VPS33B: variants seen among roughly 807,000 people sequenced by gnomAD.
VPS33B encodes the protein vacuolar protein sorting-associated protein 33B.
Under a neutral mutation model 95.3 loss-of-function variants are expected in VPS33B, and 80 were observed. The ratio of observed to expected loss-of-function variants is 0.84; its 90% CI spans 0.70 to 1.01. VPS33B has a LOEUF of 1.01. VPS33B is among the 50% of genes least tolerant of loss of function. VPS33B has a pLI of 0.00. For missense variants in VPS33B, 715 were observed against 773.4 expected (o/e 0.92, Z 0.90); for synonymous variants, 280 against 280.4 (o/e 1.00, Z 0.01).
At chr15:91,019,965 C>G (rs1286260047) in intron 1 of VPS33B, among the ~76,000 whole-genome samples, 1 of 152,030 alleles carries the variant, frequency 6.6e-6, no homozygotes, top group Non-Finnish European at 1.5e-5. Context: ...GCCACTATGC[C>G]CAGCTAATTT....
rs2151677098 is a variant in VPS33B at position 91,011,901 on chromosome 15, A to C, written c.357+1903T>G. Among the ~76,000 whole-genome samples the C allele has an allele frequency of 6.6e-6, 1 of 152,220 alleles. No homozygotes were observed. The highest frequency in any genetic ancestry group is 1.5e-5 in the Non-Finnish European group (1 of 68,008). On this transcript the variant is annotated intron_variant, in intron 5 of 22. Transcript: ENST00000333371. The surrounding 1 kb of genome is among the most constrained non-coding windows in gnomAD (Gnocchi z 5.5). The stretch of plus-strand genomic sequence containing the variant: ...CTACTCGGGAAGCTGAGGCAGGAGA[A>C]TTGCTTGAACCTGGGAGGCGGAGGT...
intron 4 of VPS33B, 149 bp downstream of exon 4, chr15:91,014,235 A>AG (rs2040859635): frequency 2.3e-6 from 2 of 851,684 alleles, no homozygotes; most frequent in East Asian, 5.0e-5. Context: ...AAAAAAAAAA[A>AG]AAAAAAAGAA....
At position 91,000,401 on chromosome 15, in the gene VPS33B, A is replaced by T. The variant is rs1279833563; in HGVS notation, c.1581+89T>A. ...GACAGAGCAAGACTCCATCTCAAAT[A>T]AAAAAAAAAAAACATTGAGACACGC... On this transcript the variant is annotated intron_variant, in intron 20 of 22. Transcript: ENST00000333371. This position sits in a 1 kb window ranked among gnomAD's most constrained non-coding sequence, Gnocchi z 4.9. The T allele has an allele frequency of 2.6e-5, 13 of 505,434 alleles. No individual in the cohort carries two copies. Among genetic ancestry groups the T allele is most frequent in the East Asian group, 2.4e-4 (3 of 12,472 alleles). The allele number at this position is 505,434 out of a possible 1,614,324, so 31.3% of individuals were successfully genotyped here. A position where few individuals can be genotyped will look rare whatever the true frequency, so the allele number is the denominator to read the frequency against.
chr15:91,017,203 T>C, intron 2 of VPS33B, 179 bp from the exon 3 acceptor site: 3 of 629,042 alleles, frequency 4.8e-6, no homozygotes, highest in Non-Finnish European at 8.6e-6. Context: ...AAACTGTCAA[T>C]AGAAAAACCT....
Position 91,005,507 on chromosome 15 carries a change from C to T in VPS33B, c.1031-53G>A, listed in dbSNP as rs2040576041. 6.2e-7 allele frequency: 1 copy of T among 1,611,792 alleles called. No homozygotes were observed. Among genetic ancestry groups the T allele is most frequent in the African/African-American group, 1.3e-5 (1 of 74,986 alleles). ...TACTCCTGGTTCTAGAAAGATGTCC[C>T]TTTATTGTCCGGAAGAATAAAAAAC... On this transcript the variant is annotated intron_variant, in intron 13 of 22. Coordinates refer to ENST00000333371, the MANE Select transcript of VPS33B (RefSeq NM_018668.5). This position sits in a 1 kb window ranked among gnomAD's most constrained non-coding sequence, Gnocchi z 6.4.
At position 91,009,944 on chromosome 15, in the gene VPS33B, C is replaced by T; in HGVS notation, c.358-98G>A. Reference sequence around the variant, plus strand: ...TGGTCACTGATGAGGACAATAATTGCCGAACCCAGTGAAAGACAAGAGAAC... The same window carrying T: ...TGGTCACTGATGAGGACAATAATTGTCGAACCCAGTGAAAGACAAGAGAAC... On this transcript the variant is annotated intron_variant, in intron 5 of 22. Transcript: ENST00000333371. This position sits in a 1 kb window ranked among gnomAD's most constrained non-coding sequence, Gnocchi z 4.1. The T allele has an allele frequency of 2.8e-6, 4 of 1,411,190 alleles. No individual in the cohort carries two copies. The highest frequency in any genetic ancestry group is 1.2e-5 in the South Asian group (1 of 85,044). The allele number at this position is 1,411,190 out of a possible 1,614,324, so 87.4% of individuals were successfully genotyped here.
intron 1 of VPS33B, among the ~76,000 whole-genome samples, chr15:91,019,522 G>A (rs945584765): frequency 2.0e-5 from 3 of 152,216 alleles, no homozygotes; most frequent in Non-Finnish European, 1.5e-5. Context: ...GACCAAAATA[G>A]TTGGTTAGAA....
intron 2 of VPS33B, among the ~76,000 whole-genome samples, chr15:91,017,414 ATATATATATTC>A: frequency 9.2e-6 from 1 of 108,470 alleles, no homozygotes; most frequent in Non-Finnish European, 1.9e-5. Context: ...ATATATATAT[ATATATATATTC>A]TGTAGTAAAC....
At chr15:91,008,098 C>T in intron 6 of VPS33B, 134 bp from the exon 7 acceptor site, 1 of 794,866 alleles carries the variant, frequency 1.3e-6, no homozygotes, top group East Asian at 2.6e-5. Flanking sequence ...CTGCATTAAG[C>T]AATGGAGGCT....
rs149680686 is a variant in VPS33B, at chr15:91,006,527, A to G, written c.779-82T>C. On this transcript the variant is annotated intron_variant, in intron 10 of 22. Coordinates refer to ENST00000333371, the MANE Select transcript of VPS33B (RefSeq NM_018668.5). The surrounding 1 kb of genome is among the most constrained non-coding windows in gnomAD (Gnocchi z 5.4). Reference sequence around the variant, plus strand: ...CCCTGAACTGCCATAAAGGTCCTCAAACTATTTGGAAGCCAGCAGTTCATT... The same window carrying G: ...CCCTGAACTGCCATAAAGGTCCTCAGACTATTTGGAAGCCAGCAGTTCATT... 7 of 1,610,060 alleles carry G rather than the reference A, an allele frequency of 4.3e-6. No homozygotes were observed. Among genetic ancestry groups the G allele is most frequent in the African/African-American group, 1.3e-5 (1 of 74,962 alleles).
chr15:91,020,931 G>C (rs962057197), intron 1 of VPS33B, among the ~76,000 whole-genome samples: 5 of 152,062 alleles, frequency 3.3e-5, no homozygotes, highest in Admixed American at 6.6e-5. Flanking sequence ...AAGATGCCCT[G>C]CAGTTCTCAT....
Position 91,000,723 on chromosome 15 carries a change from A to G in VPS33B, c.1480-132T>C. 1.2e-5 allele frequency: 9 copies of G among 782,248 alleles called. No homozygotes were observed. In the South Asian group the frequency reaches 1.3e-4, roughly 11 times the overall value. 48.5% of individuals were successfully genotyped at this position (782,248 alleles called of 1,614,324 possible). On this transcript the variant is annotated intron_variant, in intron 19 of 22. Transcript: ENST00000333371. The surrounding 1 kb of genome is among the most constrained non-coding windows in gnomAD (Gnocchi z 4.9). ...AAGGGAGAACCAGCAATAGCCCTGAAAAGAGAATCCATAACGGAAGATGGC... is the reference window on the plus strand; with the variant it reads ...AAGGGAGAACCAGCAATAGCCCTGAGAAGAGAATCCATAACGGAAGATGGC...
intron 16 of VPS33B, 116 bp downstream of exon 16, chr15:91,004,761 A>T: frequency 8.1e-7 from 1 of 1,232,926 alleles, no homozygotes; most frequent in Non-Finnish European, 1.2e-6. Flanking sequence ...CCATTAAATT[A>T]CAGGGAAACA....
chr15:91,020,839 C>G (rs1283103514), intron 1 of VPS33B, among the ~76,000 whole-genome samples: 1 of 152,218 alleles, frequency 6.6e-6, no homozygotes, highest in South Asian at 2.1e-4. Context: ...CAAGATCGCG[C>G]CACTGCACTC....
rs756881578 is a variant in VPS33B, at chr15:91,007,004, C to T, written c.646G>A (p.Gly216Ser). 7 of 1,613,746 alleles carry T rather than the reference C, an allele frequency of 4.3e-6. No individual in the cohort carries two copies. The highest frequency in any genetic ancestry group is 3.3e-5 in the South Asian group (3 of 91,082). Residue 216 changes from glycine to serine, a missense_variant, in exon 9 of 23, where the codon GGC (glycine) becomes AGC (serine). By Grantham distance (56) the Gly-to-Ser change is moderately conservative. Coordinates refer to ENST00000333371, the MANE Select transcript of VPS33B (RefSeq NM_018668.5). This position sits in a 1 kb window ranked among gnomAD's most constrained non-coding sequence, Gnocchi z 5.3. ...TCTGGCCTTCGGCCCTTGGTTTCGC[C>T]ATCCTCCTCCTCCTCCAGGTTCCTC... ...LWRNLEEEED[G>S]ETKGRRPEIG... is the part of the protein sequence containing the mutation.
intron 1 of VPS33B, among the ~76,000 whole-genome samples, chr15:91,019,382 A>C (rs554274770): frequency 1.3e-5 from 2 of 152,142 alleles, no homozygotes; most frequent in African/African-American, 4.8e-5. Context: ...CAGCCTCCCA[A>C]ACTGTTGGGA....
intron 3 of VPS33B, among the ~76,000 whole-genome samples, chr15:91,016,329 A>G (rs1299724925): frequency 2.0e-5 from 3 of 151,840 alleles, no homozygotes; most frequent in Non-Finnish European, 4.4e-5. Context: ...TATGACAAAT[A>G]ATGTGGACAA....
In VPS33B at chr15:91,018,209, T is replaced by C. The variant is rs1461311287; in HGVS notation, c.97-324A>G. ...CCCTTCTCTGCTGCCTCCTCCACTC[T>C]GGCTCCTAACCACCCCTGGTCTCCT... is the stretch of plus-strand genomic sequence containing the variant. On this transcript the variant is annotated intron_variant, in intron 1 of 22. Coordinates refer to ENST00000333371, the MANE Select transcript of VPS33B (RefSeq NM_018668.5). The surrounding 1 kb of genome is among the most constrained non-coding windows in gnomAD (Gnocchi z 4.7). Among the ~76,000 whole-genome samples, 2 of 152,164 alleles carry C rather than the reference T, an allele frequency of 1.3e-5. No individual in the cohort carries two copies. Among genetic ancestry groups the C allele is most frequent in the African/African-American group, 4.8e-5 (2 of 41,444 alleles).
Position 91,000,464 on chromosome 15 carries a change from T to C in VPS33B, c.1581+26A>G, listed in dbSNP as rs2040405192. 1 of 1,589,754 alleles carries C rather than the reference T, an allele frequency of 6.3e-7. No individual in the cohort carries two copies. The highest frequency in any genetic ancestry group is 8.6e-7 in the Non-Finnish European group (1 of 1,161,692). ...GAAAGCAGAGAGAATGAAATATGAA[T>C]GGGAGCAAGAATTACATGCTCTCAC... On this transcript the variant is annotated intron_variant, in intron 20 of 22. Transcript: ENST00000333371. The surrounding 1 kb of genome is among the most constrained non-coding windows in gnomAD (Gnocchi z 4.9).
Sources: gnomAD v4.1 joint callset for allele counts (sites outside exome capture counted in the v4.1 genomes callset) on GRCh38, gnomAD v4.1.1 for gene constraint, Gnocchi (gnomAD v3.1) non-coding constraint, MANE v1.5 for transcripts, NCBI Gene and HGNC (gene_info 2026-07-23, HGNC 2026-07-21) for gene names.